The following RFC5 variants were observed in gnomAD, a reference collection of about 807,000 sequenced individuals.
RFC5 encodes A1 36 kDa subunit.
Under a neutral mutation model 44.3 loss-of-function variants are expected in RFC5, and 26 were observed. The ratio of observed to expected loss-of-function variants is 0.59; its 90% CI spans 0.43 to 0.81. The LOEUF (loss-of-function observed/expected upper bound fraction) is 0.81, where lower values mean the gene tolerates loss of function less well. Ranked by LOEUF, RFC5 falls within the 40% of genes least tolerant of loss-of-function variation. RFC5 has a pLI of 0.00. For synonymous variants in RFC5, 155 were observed against 155.2 expected (o/e 1.00, Z 0.01); for missense variants, 328 against 418.6 (o/e 0.78, Z 1.89).
the RFC5 span, chr12:118,038,457 C>T: frequency 1.3e-6 from 2 of 1,492,896 alleles, no homozygotes; most frequent in South Asian, 1.2e-5. Context: ...AACGGGAGAA[C>T]TGGGGTGGTA....
intron 9 of RFC5, among the ~76,000 whole-genome samples, chr12:118,028,408 C>G (rs143722102): frequency 6.0e-5 from 9 of 150,482 alleles, no homozygotes; most frequent in African/African-American, 2.2e-4. Context: ...TCATTTGAAC[C>G]TGGGAGGTGG....
chr12:118,032,881 G>GA (rs1323994715), downstream of RFC5: 4 of 151,478 alleles, frequency 2.6e-5, no homozygotes, highest in Admixed American at 2.0e-4. Context: ...TTTCTTAATG[G>GA]AAAAAAATGA....
the RFC5 span, among the ~76,000 whole-genome samples, chr12:118,039,181 G>A: frequency 3.3e-5 from 5 of 152,178 alleles, no homozygotes; most frequent in Admixed American, 1.3e-4. Flanking sequence ...GTGGTGTGGA[G>A]TCACTAGGGG....
chr12:118,026,896 A>G lies in RFC5; in HGVS notation c.671A>G (p.Asn224Ser). 6.2e-7 allele frequency: 1 copy of G among 1,613,942 alleles called. No homozygotes were observed. The highest frequency in any genetic ancestry group is 8.5e-7 in the Non-Finnish European group (1 of 1,179,968). ...RRALNILQST[N>S]MAFGKVTEET... is the part of the protein sequence containing the mutation. Reference sequence around the variant, plus strand: ...CCCCCTCTGTCTACACAGAGCACCAATATGGCCTTTGGGAAGGTGACAGAG... The same window carrying G: ...CCCCCTCTGTCTACACAGAGCACCAGTATGGCCTTTGGGAAGGTGACAGAG... Residue 224 changes from asparagine (N) to serine (S), a missense_variant, in exon 8 of 11, where the codon AAT becomes AGT. Transcript: ENST00000454402.
chr12:118,022,788 G>A (rs116955391), intron 5 of RFC5, among the ~76,000 whole-genome samples: 2,370 of 152,256 alleles, frequency 0.016, 27 homozygotes, highest in Non-Finnish European at 0.023. Flanking sequence ...GATTACAGGA[G>A]AATTAGGATG....
chr12:118,035,130 C>G, downstream of RFC5: 1 of 1,613,196 alleles, frequency 6.2e-7, no homozygotes, highest in Non-Finnish European at 8.5e-7. Context: ...TATTAGCTGA[C>G]CCAGGGCCAG....
intron 8 of RFC5, among the ~76,000 whole-genome samples, chr12:118,027,671 TA>T (rs58896704): frequency 0.029 from 3,764 of 129,522 alleles, 67 homozygotes; most frequent in South Asian, 0.1. Flanking sequence ...GATTCCATCT[TA>T]AAAAAAAAAA....
At chr12:118,025,995 A>G (rs1202417858) in intron 7 of RFC5, among the ~76,000 whole-genome samples, 167 bp downstream of exon 7, 1 of 151,686 alleles carries the variant, frequency 6.6e-6, no homozygotes, top group Non-Finnish European at 1.5e-5. Context: ...GGTGCCCGCC[A>G]CCACGCCCTA....
At chr12:118,025,253 C>T (rs1480126275) in intron 6 of RFC5, 2 of 439,502 alleles carry the variant, frequency 4.6e-6, no homozygotes, top group Admixed American at 8.1e-5. Context: ...GAAGCTGTCC[C>T]AATTTCCTCC....
intron 3 of RFC5, among the ~76,000 whole-genome samples, chr12:118,020,295 C>T (rs2030396580): frequency 6.6e-6 from 1 of 152,220 alleles, no homozygotes. Flanking sequence ...GCAGCCCTCT[C>T]CAGGTGCCTA....
Position 118,020,912 on chromosome 12 carries a change from G to T in RFC5, c.274G>T (p.Ala92Ser), listed in dbSNP as rs2030439571. The T allele has an allele frequency of 6.2e-7, 1 of 1,607,556 alleles. No homozygotes were observed. ...TTCTGTCTTCCACATTTAGCTGAAT[G>T]CTTCAGATGACCGAGGAATAGACAT... ...EFGSMVLELN[A>S]SDDRGIDIIR... Residue 92 changes from alanine (A) to serine (S), a missense_variant, in exon 4 of 11, where the codon GCT becomes TCT. Coordinates refer to ENST00000454402, the MANE Select transcript of RFC5 (RefSeq NM_007370.7).
rs1217442818 is a variant in RFC5 at position 118,018,121 on chromosome 12, G to A, written c.66-951G>A. The A allele has an allele frequency of 3.7e-5, 24 of 655,608 alleles. 1 individual carries two copies. Among genetic ancestry groups the A allele is most frequent in the South Asian group, 3.5e-4 (20 of 56,858 alleles). The allele number at this position is 655,608 out of a possible 1,614,324, so 40.6% of individuals were successfully genotyped here. ...CTTTCACTCAGGATCATGTTTTCAA[G>A]GTTCATGCATGTTGCTGCTTGTATC... On this transcript the variant is annotated intron_variant, in intron 1 of 10. Transcript: ENST00000454402.
At chr12:118,035,279 A>G (rs755973915), downstream of RFC5, 12 of 1,614,186 alleles carry the variant, frequency 7.4e-6, no homozygotes, top group Non-Finnish European at 6.8e-6. Context: ...TCAGTGAGCT[A>G]ATGTGGACGT....
the RFC5 span, chr12:118,038,184 T>C: frequency 2.8e-6 from 3 of 1,077,012 alleles, no homozygotes; most frequent in African/African-American, 1.6e-5. Flanking sequence ...ATGCCTTCTA[T>C]TGGGGTGGAT....
intron 6 of RFC5, 130 bp downstream of exon 6, chr12:118,025,140 A>C: frequency 5.5e-6 from 4 of 721,916 alleles, no homozygotes. Context: ...CAGGGGAGGC[A>C]CTGGGGACCG....
the RFC5 span, among the ~76,000 whole-genome samples, chr12:118,040,956 C>T: frequency 6.6e-6 from 1 of 152,286 alleles, no homozygotes; most frequent in African/African-American, 2.4e-5. Context: ...GGCTGAGACA[C>T]AAGAATGACT....
chr12:118,017,844 T>C, intron 1 of RFC5: 1 of 670,398 alleles, frequency 1.5e-6, no homozygotes, highest in Non-Finnish European at 2.7e-6. Flanking sequence ...CCTGTAACCA[T>C]TTTAAAATGT....
chr12:118,018,078 G>T, intron 1 of RFC5: 2 of 693,590 alleles, frequency 2.9e-6, no homozygotes, highest in South Asian at 1.5e-5. Flanking sequence ...ACACTATGTG[G>T]CCTTTTGTGT....
Position 118,020,946 on chromosome 12 carries a change from G to T in RFC5, c.308G>T (p.Gly103Val). The T allele has an allele frequency of 6.2e-7, 1 of 1,612,276 alleles. No homozygotes were observed. Among genetic ancestry groups the T allele is most frequent in the Non-Finnish European group, 8.5e-7 (1 of 1,178,620 alleles). ...SDDRGIDIIR[G>V]PILSFASTRT... ...GACCGAGGAATAGACATCATTCGAGGACCGATCCTGAGCTTTGCTAGCACA... is the reference window on the plus strand; with the variant it reads ...GACCGAGGAATAGACATCATTCGAGTACCGATCCTGAGCTTTGCTAGCACA... Residue 103 changes from glycine (G) to valine (V), a missense_variant, in exon 4 of 11, where the codon GGA becomes GTA. Transcript: ENST00000454402.
Sources: allele counts gnomAD v4.1 joint callset (sites outside exome capture counted in the v4.1 genomes callset), GRCh38; gene constraint gnomAD v4.1.1; transcripts MANE v1.5; gene names NCBI Gene and HGNC (gene_info 2026-07-23, HGNC 2026-07-21).